The following UVRAG variants were observed in gnomAD, a reference collection of about 807,000 sequenced individuals.
UVRAG encodes the protein UV radiation resistance associated, also known as UV radiation resistance-associated gene protein.
Under a neutral mutation model 78.0 loss-of-function variants are expected in UVRAG, and 19 were observed. The ratio of observed to expected loss-of-function variants is 0.24; its 90% confidence interval spans 0.17 to 0.36. The LOEUF is 0.36. UVRAG is among the 10% of genes least tolerant of loss of function. The pLI, the probability that UVRAG is intolerant of heterozygous loss-of-function variation, is 1.00. For synonymous variants in UVRAG, 323 were observed against 324.6 expected (o/e 1.00, Z 0.05); for missense variants, 740 against 853.8 (o/e 0.87, Z 1.66).
chr11:75,986,404 G>T (rs890769046), intron 8 of UVRAG, among the ~76,000 whole-genome samples: 1 of 151,866 alleles, frequency 6.6e-6, no homozygotes, highest in African/African-American at 2.4e-5. Context: ...TATTTATTAT[G>T]TTTAAAGAAA....
chr11:75,991,253 C>T (rs1175082095), intron 8 of UVRAG, among the ~76,000 whole-genome samples: 1 of 152,150 alleles, frequency 6.6e-6, no homozygotes, highest in Non-Finnish European at 1.5e-5. Flanking sequence ...TGAAAAGACA[C>T]ATTTCTTACA....
intron 3 of UVRAG, among the ~76,000 whole-genome samples, chr11:75,869,914 T>A (rs193215298): frequency 1.3e-5 from 2 of 152,346 alleles, no homozygotes; most frequent in Admixed American, 1.3e-4. Context: ...AATGGTTTTA[T>A]GTCCTCTTGT....
chr11:76,083,354 G>T lies in UVRAG; in HGVS notation c.1305+17566G>T, dbSNP rs574375632. Among the ~76,000 whole-genome samples the T allele has an allele frequency of 3.3e-5, 5 of 152,098 alleles. No individual in the cohort carries two copies. In the South Asian group the frequency reaches 1.0e-3, roughly 32 times the overall value. On this transcript the variant is annotated intron_variant, in intron 13 of 14. Transcript: ENST00000356136. ...TTATAAAAAGATAAATTACAAACAA[G>T]ATTTGTGACCATTTTAGGGATGTAT...
At chr11:75,829,187 T>C (rs903633979) in intron 1 of UVRAG, among the ~76,000 whole-genome samples, 6 of 152,196 alleles carry the variant, frequency 3.9e-5, no homozygotes, top group Non-Finnish European at 5.9e-5. Context: ...TGGATCCTTC[T>C]GCCTTAGCCT....
chr11:75,984,870 T>TAAATA (rs1949466493), intron 8 of UVRAG, among the ~76,000 whole-genome samples: 3 of 152,244 alleles, frequency 2.0e-5, no homozygotes, highest in Admixed American at 2.0e-4. Flanking sequence ...TTTATTTATC[T>TAAATA]ACTCTTGCTG....
At chr11:75,850,637 T>C (rs1474592161) in intron 1 of UVRAG, among the ~76,000 whole-genome samples, 3 of 152,230 alleles carry the variant, frequency 2.0e-5, no homozygotes, top group African/African-American at 7.2e-5. Flanking sequence ...ATGTGATTAT[T>C]GTATGCAGAT....
At chr11:76,081,784 A>G (rs1459453494) in intron 13 of UVRAG, among the ~76,000 whole-genome samples, 2 of 152,202 alleles carry the variant, frequency 1.3e-5, no homozygotes, top group African/African-American at 2.4e-5. Flanking sequence ...CACTATTCAT[A>G]ATAGCTGAAG....
Position 75,815,360 on chromosome 11 carries a change from GATGCC to G in UVRAG, c.-47_-43del. On this transcript the variant is annotated 5_prime_UTR_variant, in exon 1 of 15. It removes an upstream start codon present in the reference 5' UTR. Coordinates refer to ENST00000356136, the MANE Select transcript of UVRAG (RefSeq NM_003369.4). The stretch of plus-strand genomic sequence containing the variant: ...AGGTGGTGGCAAGGGGGCGGCGGCG[GATGCC>G]GGAAGAGTGCCCGCCCCGCCGCTTG... 9.4e-7 allele frequency: 1 copy of G among 1,060,350 alleles called. No individual in the cohort carries two copies. 65.7% of individuals were successfully genotyped at this position (1,060,350 alleles called of 1,614,324 possible).
intron 1 of UVRAG, among the ~76,000 whole-genome samples, chr11:75,817,251 A>G (rs1459673552): frequency 6.6e-6 from 1 of 152,198 alleles, no homozygotes; most frequent in African/African-American, 2.4e-5. Flanking sequence ...TCAGGGGCCA[A>G]GAAGGTTTTA....
chr11:75,826,872 T>C (rs1366297160), intron 1 of UVRAG, among the ~76,000 whole-genome samples: 1 of 152,138 alleles, frequency 6.6e-6, no homozygotes, highest in African/African-American at 2.4e-5. Flanking sequence ...ATCCATTCTT[T>C]GTGAAAACTC....
chr11:76,076,477 A>G (rs1021981582), intron 13 of UVRAG, among the ~76,000 whole-genome samples: 1 of 152,192 alleles, frequency 6.6e-6, no homozygotes, highest in Non-Finnish European at 1.5e-5. Flanking sequence ...AGAACAGCAC[A>G]GGAAAGACCT....
At chr11:75,883,345 C>G (rs1590972410) in intron 4 of UVRAG, among the ~76,000 whole-genome samples, 1 of 119,348 alleles carries the variant, frequency 8.4e-6, no homozygotes, top group South Asian at 2.5e-4. Flanking sequence ...CATATAAAGT[C>G]AGTTATGCTG....
At chr11:75,950,974 A>G (rs1948683241) in intron 6 of UVRAG, among the ~76,000 whole-genome samples, 2 of 148,220 alleles carry the variant, frequency 1.3e-5, no homozygotes. Flanking sequence ...ACACACACAC[A>G]CACACACACA....
At chr11:76,096,165 A>G (rs1476826895) in intron 13 of UVRAG, among the ~76,000 whole-genome samples, 1 of 152,196 alleles carries the variant, frequency 6.6e-6, no homozygotes, top group Non-Finnish European at 1.5e-5. Context: ...TTGAAAAACC[A>G]GAAAACAAAA....
intron 12 of UVRAG, among the ~76,000 whole-genome samples, chr11:76,063,470 C>G (rs1951130484): frequency 1.3e-5 from 2 of 152,184 alleles, no homozygotes; most frequent in African/African-American, 2.4e-5. Context: ...AATTCTGTCA[C>G]ACACGTAATC....
chr11:75,858,102 G>A (rs951499265), intron 2 of UVRAG, among the ~76,000 whole-genome samples: 18 of 150,874 alleles, frequency 1.2e-4, no homozygotes, highest in Non-Finnish European at 2.4e-4. Flanking sequence ...CACATACTAG[G>A]CCTTCAAATA....
chr11:76,136,571 T>C (rs1321258702), intron 14 of UVRAG, among the ~76,000 whole-genome samples: 1 of 151,406 alleles, frequency 6.6e-6, no homozygotes, highest in Non-Finnish European at 1.5e-5. Flanking sequence ...TGCAGTGGTA[T>C]GATCACAGCT....
chr11:75,839,250 A>G (rs926722549), intron 1 of UVRAG, among the ~76,000 whole-genome samples: 8 of 151,692 alleles, frequency 5.3e-5, no homozygotes, highest in African/African-American at 1.7e-4. Context: ...TATTAATTAA[A>G]ATTTTTTCTT....
chr11:76,087,987 C>T (rs528251835), intron 13 of UVRAG, among the ~76,000 whole-genome samples: 14 of 152,304 alleles, frequency 9.2e-5, no homozygotes, highest in African/African-American at 3.1e-4. Context: ...GTGATCTTCC[C>T]AGTAGCTCCC....
Sources: gnomAD v4.1 joint callset for allele counts (sites outside exome capture counted in the v4.1 genomes callset) on GRCh38, gnomAD v4.1.1 for gene constraint, MANE v1.5 for transcripts, NCBI Gene and HGNC (gene_info 2026-07-23, HGNC 2026-07-21) for gene names.